NMNAT3: variants seen among roughly 807,000 people sequenced by gnomAD.
The protein encoded by NMNAT3 is nicotinamide nucleotide adenylyltransferase 3, also known as nicotinamide/nicotinic acid mononucleotide adenylyltransferase 3.
In NMNAT3, 21 loss-of-function variants were observed where a neutral mutation model predicts 24.8. The ratio of observed to expected loss-of-function variants is 0.85; its 90% CI spans 0.60 to 1.22. The LOEUF is 1.22. Ranked by LOEUF, NMNAT3 falls within the 50% of genes most tolerant of loss-of-function variation. The pLI is 0.00. For synonymous variants in NMNAT3, 136 were observed against 155.2 expected, an observed-to-expected ratio of 0.88 and a Z score of 0.92; for missense variants, 387 against 436.6, an observed-to-expected ratio of 0.89 and a Z score of 1.01.
chr3:139,604,442 CAT>C (rs1291040925), intron 3 of NMNAT3, among the ~76,000 whole-genome samples: 2 of 152,078 alleles, frequency 1.3e-5, no homozygotes, highest in African/African-American at 4.8e-5. Context: ...TAAAGAGTGG[CAT>C]ATATGAGTCT....
At chr3:139,627,453 A>G (rs2056101898) in intron 3 of NMNAT3, among the ~76,000 whole-genome samples, 163 bp downstream of exon 4, 1 of 152,186 alleles carries the variant, frequency 6.6e-6, no homozygotes, top group Admixed American at 6.5e-5. Flanking sequence ...ATATGTCACA[A>G]GACTATAAGC....
intron 1 of NMNAT3, among the ~76,000 whole-genome samples, chr3:139,647,411 ACAACTCCAT>A (rs1437624821): frequency 2.0e-5 from 3 of 152,252 alleles, no homozygotes; most frequent in Non-Finnish European, 4.4e-5. Flanking sequence ...AAGGAGGTCA[ACAACTCCAT>A]CAAACTAGGT....
intron 3 of NMNAT3, among the ~76,000 whole-genome samples, chr3:139,596,964 A>ATATATAT (rs1405063694): frequency 9.2e-6 from 1 of 108,540 alleles, no homozygotes; most frequent in Non-Finnish European, 1.9e-5. Flanking sequence ...ATATATATAT[A>ATATATAT]TTTTTATTAC....
intron 6 of NMNAT3, chr3:139,566,858 T>C (rs1576499305): frequency 6.6e-6 from 1 of 152,336 alleles, no homozygotes; most frequent in Admixed American, 6.5e-5. Flanking sequence ...TCTTTTTTGG[T>C]TCCATATGAA....
intron 1 of NMNAT3, among the ~76,000 whole-genome samples, chr3:139,662,196 C>A (rs553920132): frequency 6.6e-6 from 1 of 152,268 alleles, no homozygotes; most frequent in African/African-American, 2.4e-5. Context: ...CTTCCAGTAG[C>A]CAGTGAATGC....
chr3:139,653,831 C>T (rs1044839997), intron 1 of NMNAT3, among the ~76,000 whole-genome samples: 1 of 152,234 alleles, frequency 6.6e-6, no homozygotes, highest in African/African-American at 2.4e-5. Flanking sequence ...CACGTTGTAA[C>T]TCGAACCTGG....
chr3:139,576,219 T>C (rs899501934), intron 5 of NMNAT3: 73 of 985,090 alleles, frequency 7.4e-5, no homozygotes, highest in Admixed American at 4.3e-4. Context: ...ACTTTACAAT[T>C]ATAACTGGAT....
chr3:139,673,764 G>A (rs1401693496), intron 1 of NMNAT3, among the ~76,000 whole-genome samples: 8 of 152,046 alleles, frequency 5.3e-5, no homozygotes, highest in Admixed American at 4.6e-4. Flanking sequence ...CCTGAAGTAT[G>A]TGTAGAAGAA....
intron 1 of NMNAT3, among the ~76,000 whole-genome samples, chr3:139,654,418 G>T (rs1458796841): frequency 6.6e-6 from 1 of 152,204 alleles, no homozygotes; most frequent in East Asian, 1.9e-4. Flanking sequence ...AAGAAAACTT[G>T]CTTTCTGAGC....
intron 3 of NMNAT3, among the ~76,000 whole-genome samples, chr3:139,622,845 ATAT>A (rs562977905): frequency 2.2e-4 from 26 of 118,626 alleles, no homozygotes; most frequent in Middle Eastern, 3.9e-3. Flanking sequence ...TATATTATAT[ATAT>A]TATATATATA....
intron 6 of NMNAT3, among the ~76,000 whole-genome samples, chr3:139,573,133 A>C (rs929045407): frequency 1.3e-5 from 2 of 152,242 alleles, no homozygotes; most frequent in African/African-American, 4.8e-5. Flanking sequence ...GGATAATCCA[A>C]ACCAACTTTA....
At chr3:139,661,201 C>T (rs369856586) in intron 1 of NMNAT3, among the ~76,000 whole-genome samples, 7 of 152,146 alleles carry the variant, frequency 4.6e-5, no homozygotes, top group South Asian at 2.1e-4. Flanking sequence ...TGCAACGGGG[C>T]GAACTCAGAA....
At chr3:139,656,347 T>G (rs1384641748) in intron 1 of NMNAT3, among the ~76,000 whole-genome samples, 3,391 of 152,324 alleles carry the variant, frequency 0.022, 112 homozygotes, top group African/African-American at 0.075. Context: ...GCTTCATTTC[T>G]AAAGTGCAGC....
At chr3:139,677,987 T>G (rs1427847767), upstream of NMNAT3, 1 of 152,024 alleles carries the variant, frequency 6.6e-6, no homozygotes, top group Non-Finnish European at 1.5e-5. Context: ...GAAACAGATC[T>G]GCGCCCCGCC....
intron 3 of NMNAT3, among the ~76,000 whole-genome samples, chr3:139,586,392 G>A (rs995299528): frequency 6.6e-6 from 1 of 152,178 alleles, no homozygotes; most frequent in Admixed American, 6.5e-5. Flanking sequence ...TAAAAAAGGT[G>A]AAGTGTGGAA....
At chr3:139,627,443 A>G (rs771926149) in intron 3 of NMNAT3, among the ~76,000 whole-genome samples, 173 bp downstream of exon 4, 1 of 152,222 alleles carries the variant, frequency 6.6e-6, no homozygotes, top group Non-Finnish European at 1.5e-5. Flanking sequence ...TGACTTGTAC[A>G]TATGTCACAA....
intron 3 of NMNAT3, among the ~76,000 whole-genome samples, chr3:139,612,190 G>A (rs1337985351): frequency 6.7e-6 from 1 of 148,962 alleles, no homozygotes; most frequent in East Asian, 2.0e-4. Flanking sequence ...AAAATGCATA[G>A]AGGATACATT....
At chr3:139,654,263 T>C (rs1203875421) in intron 1 of NMNAT3, among the ~76,000 whole-genome samples, 4 of 152,236 alleles carry the variant, frequency 2.6e-5, no homozygotes, top group African/African-American at 9.6e-5. Context: ...GTGTCCCTAC[T>C]GATCCATGAG....
chr3:139,561,858 T>C (rs2107974921), intron 6 of NMNAT3, among the ~76,000 whole-genome samples: 1 of 152,308 alleles, frequency 6.6e-6, no homozygotes, highest in South Asian at 2.1e-4. Flanking sequence ...TACCTGGCAC[T>C]TTTATATAAC....
Sources: allele counts gnomAD v4.1 joint callset (sites outside exome capture counted in the v4.1 genomes callset), GRCh38; gene constraint gnomAD v4.1.1; transcripts MANE v1.5; gene names NCBI Gene and HGNC (gene_info 2026-07-23, HGNC 2026-07-21).